Variants in EPB41L3 observed in about 807,000 individuals in gnomAD.
EPB41L3 encodes the protein erythrocyte membrane protein band 4.1 like 3.
In EPB41L3, 57 loss-of-function variants were observed where a neutral mutation model predicts 127.1. The observed-to-expected ratio is 0.45, with a 90% CI of 0.36 to 0.56. The LOEUF is 0.56. EPB41L3 is among the 20% of genes least tolerant of loss of function. The pLI is 0.00. For missense variants in EPB41L3, 1,273 were observed against 1,372.2 expected (o/e 0.93, Z 1.14); for synonymous variants, 572 against 549.5 (o/e 1.04, Z -0.57).
chr18:5,480,787 G>C (rs2088312751), intron 2 of EPB41L3: 1 of 152,052 alleles, frequency 6.6e-6, no homozygotes, highest in Admixed American at 6.5e-5. Flanking sequence ...CATTTCTCTT[G>C]TTTTGTATCT....
At chr18:5,472,539 T>C (rs1459645781) in intron 3 of EPB41L3, among the ~76,000 whole-genome samples, 1 of 152,196 alleles carries the variant, frequency 6.6e-6, no homozygotes, top group East Asian at 1.9e-4. Flanking sequence ...AGCTCTGTGA[T>C]TTATGTGTTT....
chr18:5,561,835 A>T (rs938095735), intron 3 of EPB41L3, among the ~76,000 whole-genome samples: 4 of 152,202 alleles, frequency 2.6e-5, no homozygotes, highest in African/African-American at 9.6e-5. Context: ...CATAGATATC[A>T]TGTGCCCCCG....
chr18:5,584,258 C>G (rs936794486), intron 3 of EPB41L3, among the ~76,000 whole-genome samples: 1 of 152,176 alleles, frequency 6.6e-6, no homozygotes, highest in African/African-American at 2.4e-5. Context: ...CCCTAAGGAT[C>G]AGCTAGGGCC....
upstream of EPB41L3, chr18:5,544,193 T>TG (rs1161150268): frequency 1.0e-6 from 1 of 985,404 alleles, no homozygotes; most frequent in Non-Finnish European, 1.2e-6. Context: ...GACAGTTACA[T>TG]GGGCACAGCC....
intron 3 of EPB41L3, among the ~76,000 whole-genome samples, chr18:5,473,672 C>A (rs2086590358): frequency 6.6e-6 from 1 of 152,074 alleles, no homozygotes; most frequent in African/African-American, 2.4e-5. Context: ...ACCTCCATTG[C>A]ATGGAACAGA....
intron 3 of EPB41L3, among the ~76,000 whole-genome samples, chr18:5,583,518 C>T (rs1329697421): frequency 6.6e-6 from 1 of 152,188 alleles, no homozygotes; most frequent in Admixed American, 6.5e-5. Context: ...TATCTGGATT[C>T]AACTGACTGC....
At chr18:5,466,993 C>A (rs969973969) in intron 3 of EPB41L3, among the ~76,000 whole-genome samples, 1 of 152,104 alleles carries the variant, frequency 6.6e-6, no homozygotes, top group African/African-American at 2.4e-5. Flanking sequence ...AACAAACTGG[C>A]AATTGATCAG....
Position 5,393,477 on chromosome 18 carries a change from T to A in EPB41L3, c.*8A>T, listed in dbSNP as rs2072719810. ...TGCATTCATGTGCAAGCTAAGTTAT[T>A]CCTGCAAAAAAGACATTTGATTAGT... On this transcript the variant is annotated splice_region_variant and 3_prime_UTR_variant, in exon 23 of 23. Transcript: ENST00000341928. 1 of 701,634 alleles carries A rather than the reference T, an allele frequency of 1.4e-6. No individual in the cohort carries two copies. The highest frequency in any genetic ancestry group is 2.7e-5 in the East Asian group (1 of 37,188). 43.5% of individuals were successfully genotyped at this position (701,634 alleles called of 1,614,324 possible). A position where few individuals can be genotyped will look rare whatever the true frequency, so the allele number is the denominator to read the frequency against.
intron 3 of EPB41L3, among the ~76,000 whole-genome samples, chr18:5,607,879 A>C (rs1178734068): frequency 6.7e-6 from 1 of 149,910 alleles, no homozygotes; most frequent in African/African-American, 2.5e-5. Context: ...TCTGGGATGC[A>C]CCAAAATTCT....
intron 3 of EPB41L3, chr18:5,610,099 A>C: frequency 2.0e-6 from 2 of 985,368 alleles, no homozygotes; most frequent in Non-Finnish European, 2.4e-6. Flanking sequence ...CTTCTTCCCC[A>C]AACAAAGAGA....
chr18:5,419,177 T>TA (rs889927278), intron 12 of EPB41L3, among the ~76,000 whole-genome samples: 13 of 152,234 alleles, frequency 8.5e-5, no homozygotes, highest in Non-Finnish European at 1.9e-4. Context: ...ATTCCCTTTT[T>TA]ATCTCCTGTT....
intron 16 of EPB41L3, chr18:5,398,895 C>T (rs538126652): frequency 1.5e-4 from 58 of 399,164 alleles, no homozygotes; most frequent in Non-Finnish European, 2.4e-4. Flanking sequence ...AGGACTCTGC[C>T]GGCGAGACTC....
In EPB41L3 at chr18:5,616,066, C is replaced by T. The variant is rs866324314; in HGVS notation, c.-467-1643G>A. On this transcript the variant is annotated intron_variant, in intron 1 of 21. Coordinates refer to the EPB41L3 transcript ENST00000545076. ...ATTCTCAGCAATCTCCCTTGGTAATCTCATGGGTTTTGCAGGAGGATTATA... is the reference window on the plus strand; with the variant it reads ...ATTCTCAGCAATCTCCCTTGGTAATTTCATGGGTTTTGCAGGAGGATTATA... Among the ~76,000 whole-genome samples the T allele has an allele frequency of 4.6e-5, 7 of 152,242 alleles. No individual in the cohort carries two copies. In the South Asian group the frequency reaches 1.4e-3, roughly 32 times the overall value.
chr18:5,460,815 T>C (rs2083871458), intron 3 of EPB41L3, among the ~76,000 whole-genome samples: 1 of 152,284 alleles, frequency 6.6e-6, no homozygotes, highest in South Asian at 2.1e-4. Context: ...GAACATGCAT[T>C]TTGTGGATTA....
chr18:5,449,215 T>C (rs927718673), intron 3 of EPB41L3, among the ~76,000 whole-genome samples: 1 of 151,406 alleles, frequency 6.6e-6, no homozygotes, highest in African/African-American at 2.5e-5. Context: ...AGATAGCAAA[T>C]AAGCGTATGA....
intron 3 of EPB41L3, among the ~76,000 whole-genome samples, chr18:5,552,471 A>C (rs2093979191): frequency 1.3e-5 from 2 of 152,238 alleles, no homozygotes; most frequent in Admixed American, 1.3e-4. Context: ...AGAAGGTTCC[A>C]GCAGGTACTT....
At chr18:5,430,562 T>A (rs573124089) in intron 8 of EPB41L3, among the ~76,000 whole-genome samples, 1 of 151,936 alleles carries the variant, frequency 6.6e-6, no homozygotes. Context: ...GAAATCTTTT[T>A]TTTTTTCTTT....
At chr18:5,454,181 G>A (rs191005575) in intron 3 of EPB41L3, among the ~76,000 whole-genome samples, 3 of 150,512 alleles carry the variant, frequency 2.0e-5, no homozygotes, top group Non-Finnish European at 3.0e-5. Flanking sequence ...AAATTTAAGC[G>A]GAGAGTGTGT....
chr18:5,589,782 C>G (rs1222489063), intron 3 of EPB41L3, among the ~76,000 whole-genome samples: 1 of 152,208 alleles, frequency 6.6e-6, no homozygotes, highest in Non-Finnish European at 1.5e-5. Context: ...TAAATGAGGA[C>G]TCCTGGCAGG....
Sources: allele counts gnomAD v4.1 joint callset (sites outside exome capture counted in the v4.1 genomes callset), GRCh38; gene constraint gnomAD v4.1.1; transcripts MANE v1.5; gene names NCBI Gene and HGNC (gene_info 2026-07-23, HGNC 2026-07-21).